Variants in OLFML2B observed in about 807,000 individuals in gnomAD.
OLFML2B encodes olfactomedin-like protein 2B.
In OLFML2B, 57 loss-of-function variants were observed where a neutral mutation model predicts 74.9. That is an observed-to-expected ratio of 0.76 (90% CI 0.61 to 0.95). OLFML2B has a LOEUF of 0.95. Among genes scored for constraint, OLFML2B ranks in the 40% least tolerant of loss-of-function variants. The probability of loss-of-function intolerance (pLI) is 0.00; values close to 1 mark genes in which losing one functional copy is unlikely to be tolerated. For synonymous variants in OLFML2B, 388 were observed against 405.8 expected, an observed-to-expected ratio of 0.96 and a Z score of 0.53; for missense variants, 986 against 970.6, an observed-to-expected ratio of 1.02 and a Z score of -0.21.
intron 3 of OLFML2B, among the ~76,000 whole-genome samples, chr1:162,014,600 C>A (rs1690479937): frequency 1.3e-5 from 2 of 152,216 alleles, no homozygotes; most frequent in African/African-American, 4.8e-5. Flanking sequence ...CAGAACCGAG[C>A]TGGAGAGGGA....
intron 3 of OLFML2B, among the ~76,000 whole-genome samples, chr1:162,016,662 T>C (rs577775448): frequency 1.3e-5 from 2 of 152,320 alleles, no homozygotes; most frequent in African/African-American, 4.8e-5. Context: ...GATTGAATAA[T>C]GATCGTTAGT....
chr1:162,013,498 G>T (rs930555024), intron 3 of OLFML2B, among the ~76,000 whole-genome samples: 5 of 152,128 alleles, frequency 3.3e-5, no homozygotes, highest in African/African-American at 1.2e-4. Flanking sequence ...TGTTGGTGAG[G>T]ATGTGTGCAG....
At chr1:161,988,976 C>T (rs1558053671) in intron 6 of OLFML2B, among the ~76,000 whole-genome samples, 1 of 152,166 alleles carries the variant, frequency 6.6e-6, no homozygotes. Flanking sequence ...CTAGGTCATC[C>T]CTGATGTCCC....
intron 6 of OLFML2B, among the ~76,000 whole-genome samples, chr1:161,997,530 G>A (rs1177272682): frequency 6.6e-6 from 1 of 152,176 alleles, no homozygotes; most frequent in South Asian, 2.1e-4. Context: ...ACAAAGCCTA[G>A]TGTATGGATA....
intron 6 of OLFML2B, among the ~76,000 whole-genome samples, chr1:161,995,030 ATGACTGGGAGATGTCAT>A (rs1407350404): frequency 6.6e-6 from 1 of 152,194 alleles, no homozygotes. Context: ...AATTTTACTG[ATGACTGGGAGATGTCAT>A]CACATCACGG....
At chr1:162,008,585 G>A (rs1175782447) in intron 3 of OLFML2B, among the ~76,000 whole-genome samples, 1 of 152,210 alleles carries the variant, frequency 6.6e-6, no homozygotes, top group Non-Finnish European at 1.5e-5. Flanking sequence ...CATAGATGCT[G>A]AGAAATACAG....
In OLFML2B at chr1:161,998,156, T is replaced by G; in HGVS notation, c.1143A>C (p.Ser381=). 2 of 1,614,070 alleles carry G rather than the reference T, an allele frequency of 1.2e-6. No individual in the cohort carries two copies. The highest frequency in any genetic ancestry group is 1.7e-6 in the Non-Finnish European group (2 of 1,179,992). ...AGGCATGGTTGGCGATGCTGGGATC[T>G]GAGGTCGAGGGCTGTGGCAGTGCTG... ...WSSALPQPST[S]DPSIANHASV... The change falls in exon 6 of 8, where the codon TCA becomes TCC. Residue 381 remains serine (S), a synonymous_variant. Transcript: ENST00000294794.
At position 162,023,618 on chromosome 1, in the gene OLFML2B, CG is replaced by C. The variant is rs1489141350; in HGVS notation, c.-189del. ...CCAGAGACTCTGGGCATCTCCTTCC[CG>C]ACGCGAGCAGCCCTCGACTGTGCAG... On this transcript the variant is annotated 5_prime_UTR_variant, in exon 1 of 8. Coordinates refer to ENST00000294794, the MANE Select transcript of OLFML2B (RefSeq NM_015441.3). The C allele has an allele frequency of 2.0e-4, 91 of 463,134 alleles. No homozygotes were observed. Among genetic ancestry groups the C allele is most frequent in the African/African-American group, 1.5e-3 (77 of 49,960 alleles). 28.7% of individuals were successfully genotyped at this position (463,134 alleles called of 1,614,324 possible).
chr1:162,012,284 C>T (rs1571307134), intron 3 of OLFML2B, among the ~76,000 whole-genome samples: 1 of 152,274 alleles, frequency 6.6e-6, no homozygotes, highest in East Asian at 1.9e-4. Context: ...AGACAGCTCC[C>T]CCAACTCACA....
At chr1:162,011,828 G>A (rs932254448) in intron 3 of OLFML2B, among the ~76,000 whole-genome samples, 17 of 152,182 alleles carry the variant, frequency 1.1e-4, no homozygotes, top group African/African-American at 4.1e-4. Context: ...TTAAAATAGA[G>A]CCACTCGAGC....
chr1:162,015,158 G>C (rs1690496303), intron 3 of OLFML2B, among the ~76,000 whole-genome samples: 1 of 152,128 alleles, frequency 6.6e-6, no homozygotes, highest in South Asian at 2.1e-4. Context: ...TCCAATCTTT[G>C]CTACTAAACA....
At chr1:161,990,188 A>G (rs1689696756) in intron 6 of OLFML2B, among the ~76,000 whole-genome samples, 1 of 152,274 alleles carries the variant, frequency 6.6e-6, no homozygotes, top group Non-Finnish European at 1.5e-5. Context: ...CTATTCTAAT[A>G]AGAACATACA....
intron 3 of OLFML2B, among the ~76,000 whole-genome samples, chr1:162,014,228 C>T (rs1252968819): frequency 1.3e-5 from 2 of 152,118 alleles, no homozygotes; most frequent in Non-Finnish European, 2.9e-5. Flanking sequence ...ATGCATGTGT[C>T]GTTTTTCAGT....
At chr1:162,010,753 G>A (rs1405603003) in intron 3 of OLFML2B, among the ~76,000 whole-genome samples, 1 of 152,116 alleles carries the variant, frequency 6.6e-6, no homozygotes, top group Non-Finnish European at 1.5e-5. Flanking sequence ...GTGGTCGGGG[G>A]AGGGTGCTGG....
chr1:162,011,584 C>T (rs139750519), intron 3 of OLFML2B, among the ~76,000 whole-genome samples: 32 of 152,344 alleles, frequency 2.1e-4, no homozygotes, highest in African/African-American at 6.7e-4. Context: ...ATGGGAGAGA[C>T]AGGCAGGCCT....
Position 162,020,095 on chromosome 1 carries a change from C to T in OLFML2B, c.262G>A (p.Ala88Thr), listed in dbSNP as rs1226154995. Reference protein sequence around the residue: ...KCVVRPLGRDACQRINAGASR... With the variant: ...KCVVRPLGRDTCQRINAGASR... ...GCCCCCGCATTGATCCTCTGGCAGG[C>T]ATCCCGGCCCAGGGGTCTCACCACA... Residue 88 changes from alanine (A) to threonine (T), a missense_variant, in exon 2 of 8, where the codon GCC becomes ACC. Coordinates refer to ENST00000294794, the MANE Select transcript of OLFML2B (RefSeq NM_015441.3). 5.0e-6 allele frequency: 8 copies of T among 1,614,212 alleles called. No individual in the cohort carries two copies. The highest frequency in any genetic ancestry group is 6.8e-6 in the Non-Finnish European group (8 of 1,180,032).
chr1:161,984,212 A>G lies in OLFML2B; in HGVS notation c.1716T>C (p.Asn572=), dbSNP rs1689521896. Residue 572 remains asparagine (N), a synonymous_variant, in exon 8 of 8, where the codon AAT becomes AAC. Transcript: ENST00000294794. The part of the protein sequence containing the change: ...SWIGTGHVVY[N]GAFYYNRAFT... Reference sequence around the variant, plus strand: ...AGGCGCGATTGTAGTAGAAGGCGCCATTGTATACCACGTGGCCTGTGCCGA... The same window carrying G: ...AGGCGCGATTGTAGTAGAAGGCGCCGTTGTATACCACGTGGCCTGTGCCGA... 2 of 1,574,708 alleles carry G rather than the reference A, an allele frequency of 1.3e-6. No homozygotes were observed. The highest frequency in any genetic ancestry group is 2.7e-5 in the African/African-American group (2 of 74,016).
intron 6 of OLFML2B, among the ~76,000 whole-genome samples, chr1:161,990,323 A>T (rs895636582): frequency 3.9e-5 from 6 of 152,254 alleles, no homozygotes; most frequent in African/African-American, 1.4e-4. Flanking sequence ...GAATTGTATA[A>T]TTCATGCTAG....
intron 3 of OLFML2B, among the ~76,000 whole-genome samples, chr1:162,008,903 T>C (rs1690302771): frequency 6.6e-6 from 1 of 152,164 alleles, no homozygotes; most frequent in African/African-American, 2.4e-5. Flanking sequence ...GGCCCCTTAG[T>C]GGGATTCAAG....
Sources: allele counts gnomAD v4.1 joint callset (sites outside exome capture counted in the v4.1 genomes callset), GRCh38; gene constraint gnomAD v4.1.1; transcripts MANE v1.5; gene names NCBI Gene and HGNC (gene_info 2026-07-23, HGNC 2026-07-21).